The following BAIAP2L1 variants were observed in gnomAD, a reference collection of about 807,000 sequenced individuals.
BAIAP2L1 encodes the protein BAR/IMD domain containing adaptor protein 2 like 1, also known as BAR/IMD domain-containing adapter protein 2-like 1.
Under a neutral mutation model 66.3 loss-of-function variants are expected in BAIAP2L1, and 35 were observed. The ratio of observed to expected loss-of-function variants is 0.53; its 90% confidence interval spans 0.40 to 0.70. The LOEUF (loss-of-function observed/expected upper bound fraction) is 0.70. Ranked by LOEUF, BAIAP2L1 falls within the 30% of genes least tolerant of loss-of-function variation. The pLI, the probability that BAIAP2L1 is intolerant of heterozygous loss-of-function variation, is 0.00. For synonymous variants in BAIAP2L1, 269 were observed against 248.7 expected, an observed-to-expected ratio of 1.08 and a Z score of -0.77; for missense variants, 622 against 656.9, an observed-to-expected ratio of 0.95 and a Z score of 0.58.
chr7:98,307,554 A>ATGGTTTAGTT, intron 10 of BAIAP2L1, 135 bp downstream of exon 10: 1 of 1,469,134 alleles, frequency 6.8e-7, no homozygotes, highest in Non-Finnish European at 9.0e-7. Context: ...ACTTCAGTTA[A>ATGGTTTAGTT]CTAAACTAGA....
At chr7:98,341,149 T>C (rs1001899308) in intron 3 of BAIAP2L1, among the ~76,000 whole-genome samples, 8 of 152,012 alleles carry the variant, frequency 5.3e-5, no homozygotes, top group African/African-American at 1.7e-4. Flanking sequence ...AAAAATTATT[T>C]TCCAAACCCC....
intron 3 of BAIAP2L1, among the ~76,000 whole-genome samples, chr7:98,335,377 C>T (rs1396795808): frequency 6.6e-6 from 1 of 152,080 alleles, no homozygotes; most frequent in African/African-American, 2.4e-5. Flanking sequence ...CCTATGAAAT[C>T]CTATAGGCTT....
chr7:98,338,199 G>C (rs549737883), intron 3 of BAIAP2L1, among the ~76,000 whole-genome samples: 13 of 152,068 alleles, frequency 8.5e-5, no homozygotes, highest in East Asian at 3.9e-4. Flanking sequence ...TTGGGAGGCC[G>C]AGGCGGGTGG....
chr7:98,345,593 G>T (rs938687960), intron 3 of BAIAP2L1, among the ~76,000 whole-genome samples: 2 of 152,062 alleles, frequency 1.3e-5, no homozygotes, highest in East Asian at 1.9e-4. Context: ...GGTGTGGTGG[G>T]GGGGTACTGT....
intron 2 of BAIAP2L1, among the ~76,000 whole-genome samples, chr7:98,357,861 G>A (rs140477808): frequency 1.3e-5 from 2 of 152,140 alleles, no homozygotes; most frequent in African/African-American, 4.8e-5. Context: ...TTGAGTCAGC[G>A]GGAAGGCACA....
intron 3 of BAIAP2L1, among the ~76,000 whole-genome samples, chr7:98,342,326 G>A (rs1339970505): frequency 6.6e-6 from 1 of 152,106 alleles, no homozygotes; most frequent in Non-Finnish European, 1.5e-5. Flanking sequence ...TAGGATTACA[G>A]GTGTGAGCCA....
intron 3 of BAIAP2L1, among the ~76,000 whole-genome samples, chr7:98,342,167 T>G (rs1801758049): frequency 6.7e-6 from 1 of 150,204 alleles, no homozygotes; most frequent in Non-Finnish European, 1.5e-5. Context: ...TTCTCATGCC[T>G]CAGCCTCCCA....
At chr7:98,333,100 G>A (rs558286013) in intron 3 of BAIAP2L1, among the ~76,000 whole-genome samples, 17 of 152,178 alleles carry the variant, frequency 1.1e-4, no homozygotes, top group African/African-American at 3.9e-4. Flanking sequence ...CGCAGTGCAC[G>A]TCCCTGACCA....
At chr7:98,315,720 T>C in intron 6 of BAIAP2L1, 108 bp from the exon 7 acceptor site, 1 of 466,780 alleles carries the variant, frequency 2.1e-6, no homozygotes, top group East Asian at 4.3e-5. Context: ...CTGCTTTATT[T>C]GAATAATAGA....
At chr7:98,391,372 A>G (rs1803040142) in intron 1 of BAIAP2L1, among the ~76,000 whole-genome samples, 1 of 152,112 alleles carries the variant, frequency 6.6e-6, no homozygotes, top group Non-Finnish European at 1.5e-5. Flanking sequence ...TTTTATCCAC[A>G]AAGACTTCAG....
intron 3 of BAIAP2L1, among the ~76,000 whole-genome samples, chr7:98,344,099 C>G (rs1039521523): frequency 2.0e-5 from 3 of 152,132 alleles, no homozygotes; most frequent in Non-Finnish European, 4.4e-5. Context: ...ATCACTTGAA[C>G]CCGGTAGGTG....
chr7:98,337,166 G>A (rs1231595887), intron 3 of BAIAP2L1, among the ~76,000 whole-genome samples: 2 of 152,240 alleles, frequency 1.3e-5, no homozygotes, highest in South Asian at 2.1e-4. Context: ...GGGAAGTGCT[G>A]GAAAGTGTGT....
intron 3 of BAIAP2L1, among the ~76,000 whole-genome samples, chr7:98,331,037 C>T (rs1174728711): frequency 6.6e-6 from 1 of 152,078 alleles, no homozygotes; most frequent in Non-Finnish European, 1.5e-5. Flanking sequence ...CAAATAGAAA[C>T]TCAAAGATTC....
chr7:98,381,922 C>A lies in BAIAP2L1; in HGVS notation c.51+18880G>T, dbSNP rs968610770. Among the ~76,000 whole-genome samples, 4 of 121,040 alleles carry A rather than the reference C, an allele frequency of 3.3e-5. No homozygotes were observed. In the South Asian group the frequency reaches 8.0e-4, roughly 24 times the overall value. The allele number at this position is 121,040 out of a possible 152,430, so 79.4% of individuals were successfully genotyped here. A position where few individuals can be genotyped will look rare whatever the true frequency, so the allele number is the denominator to read the frequency against. Reference sequence around the variant, plus strand: ...CCCCCACCCACATTAGGGTAAAAATCTAAGGGTTTTTTTTTTTTTTTGAGA... The same window carrying A: ...CCCCCACCCACATTAGGGTAAAAATATAAGGGTTTTTTTTTTTTTTTGAGA... On this transcript the variant is annotated intron_variant, in intron 1 of 13. Transcript: ENST00000005260.
At chr7:98,357,296 C>T (rs776725592) in intron 2 of BAIAP2L1, among the ~76,000 whole-genome samples, 123 of 150,558 alleles carry the variant, frequency 8.2e-4, no homozygotes, top group Non-Finnish European at 1.6e-3. Flanking sequence ...TAGCCAGGTG[C>T]TGTGGCTCAC....
intron 1 of BAIAP2L1, among the ~76,000 whole-genome samples, chr7:98,394,816 C>T (rs1479765438): frequency 6.6e-6 from 1 of 152,192 alleles, no homozygotes; most frequent in Admixed American, 6.5e-5. Flanking sequence ...TTGGAATAGT[C>T]TGAACATAAT....
chr7:98,362,336 A>C, intron 2 of BAIAP2L1, 21 bp downstream of exon 2: 1 of 1,556,594 alleles, frequency 6.4e-7, no homozygotes, highest in East Asian at 2.2e-5. Context: ...ATATATAATC[A>C]ATTCAGAAAA....
At chr7:98,350,424 G>A (rs1801975170) in intron 3 of BAIAP2L1, among the ~76,000 whole-genome samples, 1 of 152,100 alleles carries the variant, frequency 6.6e-6, no homozygotes, top group Non-Finnish European at 1.5e-5. Context: ...TTGGGAGGCT[G>A]AGGCGGGCAG....
intron 3 of BAIAP2L1, among the ~76,000 whole-genome samples, chr7:98,353,145 CCAACCAGGGCA>C (rs778739325): frequency 6.0e-5 from 9 of 151,232 alleles, no homozygotes; most frequent in Non-Finnish European, 1.3e-4. Flanking sequence ...GATTATGGCA[CCAACCAGGGCA>C]CAAGCAGGAT....
Sources: allele counts gnomAD v4.1 joint callset (sites outside exome capture counted in the v4.1 genomes callset), GRCh38; gene constraint gnomAD v4.1.1; transcripts MANE v1.5; gene names NCBI Gene and HGNC (gene_info 2026-07-23, HGNC 2026-07-21).